SUN3: variants seen among roughly 807,000 people sequenced by gnomAD.
The protein encoded by SUN3 is SUN domain-containing protein 3.
SUN3 carries 36 observed loss-of-function variants against 48.2 expected under a neutral mutation model. That is an observed-to-expected ratio of 0.75 (90% CI 0.57 to 0.99). The LOEUF is 0.99. Ranked by LOEUF, SUN3 falls within the 50% of genes least tolerant of loss-of-function variation. The probability of loss-of-function intolerance (pLI) is 0.00; values close to 1 mark genes in which losing one functional copy is unlikely to be tolerated. For missense variants in SUN3, 419 were observed against 433.1 expected, an observed-to-expected ratio of 0.97 and a Z score of 0.29; for synonymous variants, 148 against 147.9, an observed-to-expected ratio of 1.00 and a Z score of 0.00.
chr7:48,007,070 G>T, intron 5 of SUN3, 95 bp downstream of exon 5: 2 of 1,249,066 alleles, frequency 1.6e-6, no homozygotes, highest in Non-Finnish European at 2.2e-6. Context: ...AGAAGCAGAT[G>T]TGACATCGGA....
At chr7:48,015,434 T>C (rs549650417) in intron 3 of SUN3, among the ~76,000 whole-genome samples, 40 of 152,306 alleles carry the variant, frequency 2.6e-4, no homozygotes, top group African/African-American at 9.1e-4. Flanking sequence ...CTCACTGGAC[T>C]GGAATGCTGT....
intron 3 of SUN3, among the ~76,000 whole-genome samples, chr7:48,009,846 G>A (rs1789634543): frequency 6.6e-6 from 1 of 152,138 alleles, no homozygotes; most frequent in Non-Finnish European, 1.5e-5. Flanking sequence ...CCGGGCTACT[G>A]TGCTGCCTGT....
chr7:48,013,059 T>C (rs1762695223), intron 3 of SUN3, among the ~76,000 whole-genome samples: 1 of 152,208 alleles, frequency 6.6e-6, no homozygotes, highest in African/African-American at 2.4e-5. Flanking sequence ...GCAGCATAAA[T>C]GGATTAAGAC....
intron 2 of SUN3, among the ~76,000 whole-genome samples, chr7:48,020,932 A>G (rs1244633049): frequency 6.6e-6 from 1 of 152,192 alleles, no homozygotes; most frequent in African/African-American, 2.4e-5. Context: ...AAACAACCCT[A>G]AAATTTATAT....
chr7:48,019,998 A>G (rs899608804), intron 2 of SUN3, among the ~76,000 whole-genome samples: 41 of 147,876 alleles, frequency 2.8e-4, no homozygotes, highest in Middle Eastern at 3.5e-3. Context: ...AAAAAAAAAA[A>G]AAAGAAAGAA....
intron 3 of SUN3, among the ~76,000 whole-genome samples, chr7:48,015,776 A>G (rs1789794143): frequency 6.6e-6 from 1 of 152,044 alleles, no homozygotes; most frequent in Non-Finnish European, 1.5e-5. Context: ...AAGAGACAAG[A>G]CCTATCCGAC....
chr7:48,002,424 C>T (rs1383187832), intron 6 of SUN3, among the ~76,000 whole-genome samples: 1 of 126,974 alleles, frequency 7.9e-6, no homozygotes, highest in South Asian at 2.1e-4. Flanking sequence ...TCCCAAAGTG[C>T]TGGGATTACA....
chr7:47,989,064 C>T, intron 8 of SUN3, 184 bp from the exon 9 acceptor site: 1 of 423,064 alleles, frequency 2.4e-6, no homozygotes, highest in Non-Finnish European at 4.2e-6. Flanking sequence ...CAAGGCTGAT[C>T]ACGGGACTGA....
chr7:47,993,146 T>C (rs1789113289), intron 8 of SUN3, among the ~76,000 whole-genome samples: 1 of 152,204 alleles, frequency 6.6e-6, no homozygotes, highest in Non-Finnish European at 1.5e-5. Context: ...GAAAGTAGTA[T>C]TTAAGTACAC....
chr7:48,030,404 C>T (rs1790239355), upstream of SUN3, among the ~76,000 whole-genome samples: 1 of 152,206 alleles, frequency 6.6e-6, no homozygotes. Flanking sequence ...CTTTTAGCAT[C>T]TATGCTACCA....
chr7:48,028,740 G>A, intron 1 of SUN3, 77 bp downstream of exon 1: 1 of 1,561,636 alleles, frequency 6.4e-7, no homozygotes, highest in East Asian at 2.3e-5. Flanking sequence ...ACAGGTAACA[G>A]ATGAACAGAC....
At chr7:48,020,259 A>G (rs1789954757) in intron 2 of SUN3, among the ~76,000 whole-genome samples, 1 of 152,138 alleles carries the variant, frequency 6.6e-6, no homozygotes, top group Non-Finnish European at 1.5e-5. Context: ...AAAATTCAAC[A>G]TCTCTCCATG....
intron 3 of SUN3, among the ~76,000 whole-genome samples, chr7:48,009,629 T>C (rs1789627195): frequency 6.6e-6 from 1 of 151,984 alleles, no homozygotes; most frequent in Non-Finnish European, 1.5e-5. Flanking sequence ...TATCTAACAC[T>C]GGTGTCATGT....
In SUN3 at chr7:48,007,134, C is replaced by T. The variant is rs75522639; in HGVS notation, c.492+31G>A. 7.5e-6 allele frequency: 12 copies of T among 1,593,120 alleles called. No individual in the cohort carries two copies. The African/African-American group carries it at 1.5e-4, about 20-fold the overall frequency. On this transcript the variant is annotated intron_variant, in intron 5 of 9. Coordinates refer to ENST00000297325, the MANE Select transcript of SUN3 (RefSeq NM_001030019.2). The stretch of plus-strand genomic sequence containing the variant: ...ACATCCGCGCTAACCACCACCCCAC[C>T]CTGCCCAACCCGCCTAGCCTCATCC...
chr7:48,009,129 GTCTT>G, intron 3 of SUN3, 54 bp from the exon 4 acceptor site: 1 of 1,528,914 alleles, frequency 6.5e-7, no homozygotes, highest in South Asian at 1.2e-5. Flanking sequence ...TTCAAATAGA[GTCTT>G]TTTTTTTTCT....
intron 8 of SUN3, chr7:47,991,165 C>CT (rs1789049280): frequency 2.5e-6 from 1 of 395,984 alleles, no homozygotes; most frequent in Non-Finnish European, 4.9e-6. Flanking sequence ...GATCCTCCTG[C>CT]TTTAGCCTTT....
chr7:48,027,711 G>A (rs1790173735), intron 1 of SUN3, among the ~76,000 whole-genome samples: 2 of 152,162 alleles, frequency 1.3e-5, no homozygotes, highest in Admixed American at 6.5e-5. Flanking sequence ...ACATAAAGCA[G>A]TCATACCTAT....
intron 2 of SUN3, 127 bp from the exon 3 acceptor site, chr7:48,017,492 G>C (rs73694319): frequency 1.6e-6 from 1 of 641,184 alleles, no homozygotes; most frequent in African/African-American, 1.9e-5. Context: ...AGATCCTTGG[G>C]TGACATCATG....
At chr7:48,015,367 C>T (rs532278405) in intron 3 of SUN3, among the ~76,000 whole-genome samples, 15 of 152,230 alleles carry the variant, frequency 9.9e-5, no homozygotes, top group African/African-American at 3.4e-4. Flanking sequence ...GACTGAGTAG[C>T]GCCTCTGAGA....
Sources: allele counts gnomAD v4.1 joint callset (sites outside exome capture counted in the v4.1 genomes callset), GRCh38; gene constraint gnomAD v4.1.1; transcripts MANE v1.5; gene names NCBI Gene and HGNC (gene_info 2026-07-23, HGNC 2026-07-21).